KANSL1L: variants seen among roughly 807,000 people sequenced by gnomAD.
KANSL1L encodes KAT8 regulatory NSL complex subunit 1-like protein.
Under a neutral mutation model 108.6 loss-of-function variants are expected in KANSL1L, and 25 were observed. The ratio of observed to expected loss-of-function variants is 0.23; its 90% CI spans 0.17 to 0.32. KANSL1L has a LOEUF of 0.32. Ranked by LOEUF, KANSL1L falls within the 10% of genes least tolerant of loss-of-function variation. KANSL1L has a pLI of 1.00. For synonymous variants in KANSL1L, 405 were observed against 395.1 expected (o/e 1.03, Z -0.30); for missense variants, 1,137 against 1,125.7 (o/e 1.01, Z -0.14).
At chr2:210,151,917 T>C (rs1017363342) in intron 2 of KANSL1L, 1 of 152,350 alleles carries the variant, frequency 6.6e-6, no homozygotes, top group African/African-American at 2.4e-5. Flanking sequence ...TCATAGTAAA[T>C]ATCAATGTGT....
intron 2 of KANSL1L, among the ~76,000 whole-genome samples, chr2:210,131,018 C>T (rs1038544071): frequency 2.0e-5 from 3 of 152,120 alleles, no homozygotes; most frequent in Non-Finnish European, 4.4e-5. Context: ...CAGGCTTATG[C>T]ATTTATGTTG....
rs149911231 is a variant in KANSL1L at position 210,084,439 on chromosome 2, A to T, written c.1551-8683T>A. ...CTCCGTCTTAGAAAGAAAAATTAAG[A>T]TCCATCTTACTGTAGGTACTGAAGT... On this transcript the variant is annotated intron_variant, in intron 5 of 14. Transcript: ENST00000281772. Among the ~76,000 whole-genome samples the T allele has an allele frequency of 7.9e-5, 12 of 152,232 alleles. No individual in the cohort carries two copies. The East Asian group carries it at 1.9e-3, about 24-fold the overall frequency.
At chr2:210,049,285 C>T (rs916067720) in intron 6 of KANSL1L, among the ~76,000 whole-genome samples, 2 of 151,630 alleles carry the variant, frequency 1.3e-5, no homozygotes, top group African/African-American at 4.8e-5. Flanking sequence ...TCTCTTCCAC[C>T]CCCCCACCCC....
At chr2:210,146,439 C>A (rs534292415) in intron 2 of KANSL1L, among the ~76,000 whole-genome samples, 3 of 152,132 alleles carry the variant, frequency 2.0e-5, no homozygotes, top group Admixed American at 6.5e-5. Flanking sequence ...TGATCGTTTC[C>A]GATGATAAAT....
At chr2:210,103,475 TA>T (rs1182517476) in intron 4 of KANSL1L, among the ~76,000 whole-genome samples, 11 of 151,442 alleles carry the variant, frequency 7.3e-5, no homozygotes, top group Admixed American at 5.9e-4. Flanking sequence ...ATAATAATAA[TA>T]AAAAAAAGTC....
At position 210,022,731 on chromosome 2, in the gene KANSL1L, T is replaced by TAAACAC. The variant is rs2093878281; in HGVS notation, c.*212_*217dup. 3 of 517,126 alleles carry TAAACAC rather than the reference T, an allele frequency of 5.8e-6. No homozygotes were observed. Among genetic ancestry groups the TAAACAC allele is most frequent in the Admixed American group, 3.6e-5 (1 of 28,020 alleles). The allele number at this position is 517,126 out of a possible 1,614,324, so 32.0% of individuals were successfully genotyped here. A position where few individuals can be genotyped will look rare whatever the true frequency, so the allele number is the denominator to read the frequency against. ...TGGTGTTTGTAAGTAAGTTGCATGA[T>TAAACAC]AAACACAAATGACTACCACTTGTCT... On this transcript the variant is annotated 3_prime_UTR_variant, in exon 15 of 15. Transcript: ENST00000281772.
chr2:210,052,542 G>A (rs915414376), intron 6 of KANSL1L, among the ~76,000 whole-genome samples: 3 of 152,066 alleles, frequency 2.0e-5, no homozygotes, highest in Admixed American at 1.3e-4. Flanking sequence ...CTTCAATCAA[G>A]TCTCTAATCT....
chr2:210,105,374 A>AATAT (rs888148762), intron 3 of KANSL1L, among the ~76,000 whole-genome samples: 28 of 145,460 alleles, frequency 1.9e-4, no homozygotes, highest in Non-Finnish European at 3.7e-4. Flanking sequence ...TTTGAAAAAA[A>AATAT]ATATATATAT....
At chr2:210,028,993 T>C in intron 10 of KANSL1L, 24 bp from the exon 11 acceptor site, 1 of 1,589,662 alleles carries the variant, frequency 6.3e-7, no homozygotes, top group Non-Finnish European at 8.6e-7. Context: ...TTACAGTAGA[T>C]TTACAGTACT....
intron 13 of KANSL1L, among the ~76,000 whole-genome samples, chr2:210,024,823 T>G (rs1197771649): frequency 6.6e-6 from 1 of 152,196 alleles, no homozygotes; most frequent in African/African-American, 2.4e-5. Context: ...ATGACCTACT[T>G]TATATATACA....
At position 210,081,000 on chromosome 2, in the gene KANSL1L, G is replaced by A. The variant is rs182897710; in HGVS notation, c.1551-5244C>T. On this transcript the variant is annotated intron_variant, in intron 5 of 14. Coordinates refer to ENST00000281772, the MANE Select transcript of KANSL1L (RefSeq NM_152519.4). ...TGCATGCCTGTAGTCCCAGCTACTT[G>A]GGAGCCTGAGGCATGAGAATCGCGT... Among the ~76,000 whole-genome samples, 5 of 151,988 alleles carry A rather than the reference G, an allele frequency of 3.3e-5. No homozygotes were observed. In the East Asian group the frequency reaches 9.7e-4, roughly 30 times the overall value.
intron 8 of KANSL1L, among the ~76,000 whole-genome samples, chr2:210,033,220 T>C (rs968944501): frequency 1.3e-5 from 2 of 152,220 alleles, no homozygotes; most frequent in Non-Finnish European, 2.9e-5. Context: ...TGCACTTGCA[T>C]GTCAAACAGC....
intron 1 of KANSL1L, among the ~76,000 whole-genome samples, chr2:210,161,360 T>C (rs2095360409): frequency 6.6e-6 from 1 of 152,046 alleles, no homozygotes; most frequent in Non-Finnish European, 1.5e-5. Flanking sequence ...CATTCTAAAC[T>C]AATTGGACAT....
At chr2:210,119,399 T>G (rs1391554459) in intron 3 of KANSL1L, among the ~76,000 whole-genome samples, 1 of 152,062 alleles carries the variant, frequency 6.6e-6, no homozygotes, top group African/African-American at 2.4e-5. Context: ...AAGAGAAAAC[T>G]ATAGGCAAAT....
chr2:210,148,960 A>G (rs745809301), intron 2 of KANSL1L, among the ~76,000 whole-genome samples: 1 of 152,138 alleles, frequency 6.6e-6, no homozygotes, highest in East Asian at 1.9e-4. Context: ...TAAAAATTAC[A>G]AACACTGAAA....
At chr2:210,118,601 C>G (rs2094981394) in intron 3 of KANSL1L, among the ~76,000 whole-genome samples, 1 of 151,962 alleles carries the variant, frequency 6.6e-6, no homozygotes, top group African/African-American at 2.4e-5. Flanking sequence ...AATCCCAGCA[C>G]TTTGGAAGGC....
intron 4 of KANSL1L, among the ~76,000 whole-genome samples, chr2:210,099,643 C>T (rs939853745): frequency 2.0e-5 from 3 of 152,116 alleles, no homozygotes; most frequent in African/African-American, 4.8e-5. Context: ...TCACATCTTC[C>T]GGTTGGAAAC....
At chr2:210,107,851 A>G (rs2094865660) in intron 3 of KANSL1L, among the ~76,000 whole-genome samples, 1 of 152,124 alleles carries the variant, frequency 6.6e-6, no homozygotes, top group Non-Finnish European at 1.5e-5. Flanking sequence ...TGAAAATTTA[A>G]GCAAAGTTTA....
chr2:210,029,033 T>C, intron 10 of KANSL1L, 64 bp from the exon 11 acceptor site: 1 of 1,327,134 alleles, frequency 7.5e-7, no homozygotes, highest in Non-Finnish European at 1.0e-6. Flanking sequence ...TACCCTCCTT[T>C]CATCAGTTAT....
Sources: gnomAD v4.1 joint callset for allele counts (sites outside exome capture counted in the v4.1 genomes callset) on GRCh38, gnomAD v4.1.1 for gene constraint, MANE v1.5 for transcripts, NCBI Gene and HGNC (gene_info 2026-07-23, HGNC 2026-07-21) for gene names.